Variants in GLIS3 observed in about 807,000 individuals in gnomAD.
The protein encoded by GLIS3 is zinc finger protein GLIS3.
In GLIS3, 53 loss-of-function variants were observed where a neutral mutation model predicts 78.6. That is an observed-to-expected ratio of 0.67 (90% CI 0.54 to 0.85). GLIS3 has a LOEUF of 0.85. Ranked by LOEUF, GLIS3 falls within the 40% of genes least tolerant of loss-of-function variation. The probability of loss-of-function intolerance (pLI) is 0.00; values close to 1 mark genes in which losing one functional copy is unlikely to be tolerated. For missense variants in GLIS3, 1,703 were observed against 1,231.1 expected (o/e 1.38, Z -5.74); for synonymous variants, 684 against 509.9 (o/e 1.34, Z -4.60).
the GLIS3 span, among the ~76,000 whole-genome samples, chr9:4,373,607 T>C: frequency 6.6e-6 from 1 of 151,998 alleles, no homozygotes; most frequent in Admixed American, 6.5e-5. Flanking sequence ...GCTAAAAAAA[T>C]ACTTCCTAAC....
chr9:4,435,811 T>C, the GLIS3 span, among the ~76,000 whole-genome samples: 72 of 152,030 alleles, frequency 4.7e-4, no homozygotes, highest in Non-Finnish European at 7.7e-4. Flanking sequence ...TAGCCGGGCG[T>C]GGTGGCAGGC....
chr9:4,327,014 T>G (rs1239114762), intron 2 of GLIS3, among the ~76,000 whole-genome samples: 2 of 152,172 alleles, frequency 1.3e-5, no homozygotes, highest in Non-Finnish European at 2.9e-5. Flanking sequence ...ATACACAGCT[T>G]AGAGTCAGGT....
chr9:4,313,594 C>G (rs1013479279), intron 2 of GLIS3, among the ~76,000 whole-genome samples: 3 of 152,164 alleles, frequency 2.0e-5, no homozygotes, highest in Non-Finnish European at 2.9e-5. Flanking sequence ...TGATCTTGGA[C>G]CTTGATTTTT....
At position 3,856,011 on chromosome 9, in the gene GLIS3, T is replaced by C. The variant is rs140981222; in HGVS notation, c.2471A>G (p.His824Arg). The change falls in exon 9 of 11, where the codon CAT (histidine) becomes CGT (arginine). Residue 824 changes from histidine to arginine, a missense_variant and splice_region_variant. His to Arg is a conservative substitution (Grantham distance 29, BLOSUM62 0). Transcript: ENST00000381971. Reference protein sequence around the residue: ...SSFQPNGIHVHGFYGQLQKFC... With the variant: ...SSFQPNGIHVRGFYGQLQKFC... ...GGGACTGCCAGCTTCTTGCTTACCATGGACATGGATACCATTTGGTTGAAA... is the reference window on the plus strand; with the variant it reads ...GGGACTGCCAGCTTCTTGCTTACCACGGACATGGATACCATTTGGTTGAAA... 3.1e-4 allele frequency: 495 copies of C among 1,614,152 alleles called. 5 individuals carry two copies. In the East Asian group the frequency reaches 0.011, roughly 36 times the overall value.
At chr9:4,459,118 G>A in the GLIS3 span, among the ~76,000 whole-genome samples, 5 of 152,284 alleles carry the variant, frequency 3.3e-5, no homozygotes, top group Admixed American at 6.5e-5. Context: ...TGTGTAGGGG[G>A]CAAGAGTGGA....
rs1817847316 is a variant in GLIS3 at position 3,828,407 on chromosome 9, C to T, written c.2658G>A (p.Val886=). 1 of 1,612,902 alleles carries T rather than the reference C, an allele frequency of 6.2e-7. No homozygotes were observed. Among genetic ancestry groups the T allele is most frequent in the Admixed American group, 1.7e-5 (1 of 60,006 alleles). The part of the protein sequence containing the change: ...RAFSTHSGIT[V]YDLPSSSSSL... ...TCGAGGAACTTGAAGGTAAATCATA[C>T]ACTGGAAGAGAAAGAACGCAGTTAA... Residue 886 remains valine (V), a splice_region_variant and synonymous_variant, in exon 11 of 11, where the codon GTG becomes GTA. Transcript: ENST00000381971.
chr9:4,251,663 T>C (rs1021892071), intron 2 of GLIS3, among the ~76,000 whole-genome samples: 40 of 152,184 alleles, frequency 2.6e-4, no homozygotes, highest in African/African-American at 9.2e-4. Context: ...TGCTAGCTGG[T>C]TATTTTGCCC....
the GLIS3 span, among the ~76,000 whole-genome samples, chr9:4,452,714 G>C: frequency 2.0e-5 from 3 of 152,182 alleles, no homozygotes; most frequent in Non-Finnish European, 4.4e-5. Context: ...TGGATAGGAA[G>C]AATCAATATC....
At chr9:4,170,091 A>G (rs1816243159) in intron 2 of GLIS3, among the ~76,000 whole-genome samples, 1 of 152,216 alleles carries the variant, frequency 6.6e-6, no homozygotes, top group African/African-American at 2.4e-5. Context: ...GGAGAAAACA[A>G]TAACAACACT....
intron 4 of GLIS3, among the ~76,000 whole-genome samples, chr9:4,017,460 G>A (rs564562642): frequency 2.0e-5 from 3 of 152,180 alleles, no homozygotes; most frequent in East Asian, 1.9e-4. Flanking sequence ...ACACATGAGC[G>A]CGCGTAATAC....
At chr9:4,452,978 G>A in the GLIS3 span, among the ~76,000 whole-genome samples, 1 of 152,058 alleles carries the variant, frequency 6.6e-6, no homozygotes, top group East Asian at 1.9e-4. Context: ...TAGACCAATG[G>A]AACAGAACAG....
intron 6 of GLIS3, among the ~76,000 whole-genome samples, chr9:3,903,173 C>A (rs748430724): frequency 6.6e-6 from 1 of 152,138 alleles, no homozygotes; most frequent in Non-Finnish European, 1.5e-5. Context: ...GGGCCATAAA[C>A]GCGAAGAAAT....
chr9:4,173,485 G>C (rs1039181508), intron 2 of GLIS3, among the ~76,000 whole-genome samples: 10 of 151,456 alleles, frequency 6.6e-5, no homozygotes, highest in Admixed American at 5.9e-4. Flanking sequence ...TTTCAACAAA[G>C]TATTTCAGAT....
the GLIS3 span, among the ~76,000 whole-genome samples, chr9:4,382,481 C>G: frequency 0.048 from 7,286 of 152,288 alleles, 559 homozygotes; most frequent in African/African-American, 0.16. Flanking sequence ...CTGGAAGCCT[C>G]TCTGATTACC....
intron 4 of GLIS3, among the ~76,000 whole-genome samples, chr9:3,970,030 A>C (rs768812161): frequency 9.9e-5 from 15 of 152,236 alleles, no homozygotes; most frequent in Non-Finnish European, 2.2e-4. Context: ...AGTAACGTTC[A>C]CTGCATTCAC....
At chr9:4,121,339 T>C (rs1277029633) in intron 3 of GLIS3, among the ~76,000 whole-genome samples, 1 of 152,222 alleles carries the variant, frequency 6.6e-6, no homozygotes, top group African/African-American at 2.4e-5. Flanking sequence ...GGGTGTTATA[T>C]TCTTCAATAA....
intron 2 of GLIS3, among the ~76,000 whole-genome samples, chr9:4,267,495 C>T (rs192980389): frequency 6.6e-6 from 1 of 152,140 alleles, no homozygotes; most frequent in Non-Finnish European, 1.5e-5. Flanking sequence ...ATTGCCAACC[C>T]CACAGTACCC....
the GLIS3 span, among the ~76,000 whole-genome samples, chr9:4,461,772 C>T: frequency 6.6e-6 from 1 of 152,200 alleles, no homozygotes; most frequent in African/African-American, 2.4e-5. Context: ...ACTAGCATTA[C>T]ACCCTCAGCA....
At chr9:3,881,849 A>G (rs1821751555) in intron 7 of GLIS3, among the ~76,000 whole-genome samples, 1 of 152,146 alleles carries the variant, frequency 6.6e-6, no homozygotes, top group South Asian at 2.1e-4. Context: ...TATTAGTATA[A>G]ATCATTGGAC....
Sources: allele counts gnomAD v4.1 joint callset (sites outside exome capture counted in the v4.1 genomes callset), GRCh38; gene constraint gnomAD v4.1.1; transcripts MANE v1.5; gene names NCBI Gene and HGNC (gene_info 2026-07-23, HGNC 2026-07-21).